The following RARB variants were observed in gnomAD, a reference collection of about 807,000 sequenced individuals.
RARB encodes retinoic acid receptor beta.
RARB carries 17 observed loss-of-function variants against 51.9 expected under a neutral mutation model. The observed-to-expected ratio is 0.33, with a 90% CI of 0.22 to 0.49. The LOEUF (loss-of-function observed/expected upper bound fraction) is 0.49. Among genes scored for constraint, RARB ranks in the 20% least tolerant of loss-of-function variants. The pLI is 0.99. For missense variants in RARB, 369 were observed against 550.8 expected (o/e 0.67, Z 3.30); for synonymous variants, 215 against 195.4 (o/e 1.10, Z -0.84).
chr3:25,164,696 T>C (rs1700532111), intron 4 of RARB, among the ~76,000 whole-genome samples: 2 of 152,246 alleles, frequency 1.3e-5, no homozygotes, highest in Non-Finnish European at 2.9e-5. Flanking sequence ...ATGGTTTCAA[T>C]TATGTGAATT....
chr3:24,898,937 T>G (rs1441774224), intron 2 of RARB, among the ~76,000 whole-genome samples: 1 of 152,210 alleles, frequency 6.6e-6, no homozygotes, highest in Non-Finnish European at 1.5e-5. Flanking sequence ...AACTTCTATG[T>G]ACAACTCATT....
At chr3:25,286,283 T>A (rs1021653925) in intron 5 of RARB, among the ~76,000 whole-genome samples, 30 of 151,942 alleles carry the variant, frequency 2.0e-4, no homozygotes, top group Admixed American at 3.3e-4. Flanking sequence ...AGAGACGGGG[T>A]TTCACCGTGT....
chr3:25,352,653 C>A (rs933887850), intron 5 of RARB, among the ~76,000 whole-genome samples: 1 of 152,144 alleles, frequency 6.6e-6, no homozygotes, highest in African/African-American at 2.4e-5. Context: ...TCATTTTTCT[C>A]AAAATGGACC....
chr3:25,075,260 G>C (rs1161162226), intron 3 of RARB, among the ~76,000 whole-genome samples: 1 of 152,160 alleles, frequency 6.6e-6, no homozygotes, highest in African/African-American at 2.4e-5. Flanking sequence ...TTTCCATGCA[G>C]ATCCAGCTCT....
intron 2 of RARB, among the ~76,000 whole-genome samples, chr3:24,927,496 G>C (rs1023715756): frequency 3.3e-5 from 5 of 152,076 alleles, no homozygotes; most frequent in Non-Finnish European, 2.9e-5. Context: ...GAGATTGAAA[G>C]CTCTATGTGA....
At chr3:25,405,781 T>G (rs541936373) in intron 5 of RARB, among the ~76,000 whole-genome samples, 1 of 152,366 alleles carries the variant, frequency 6.6e-6, no homozygotes, top group African/African-American at 2.4e-5. Context: ...AAAGTTTTAT[T>G]GGACAATGCT....
intron 2 of RARB, among the ~76,000 whole-genome samples, chr3:24,917,474 A>G (rs1559395401): frequency 6.6e-6 from 1 of 152,244 alleles, no homozygotes; most frequent in Non-Finnish European, 1.5e-5. Context: ...TTAGGTATGG[A>G]CAAAAGATTT....
intron 2 of RARB, among the ~76,000 whole-genome samples, chr3:25,001,747 G>C (rs1697165136): frequency 6.6e-6 from 1 of 152,118 alleles, no homozygotes; most frequent in African/African-American, 2.4e-5. Flanking sequence ...ATTTGCACAT[G>C]ATTTTTTACT....
At chr3:25,342,915 T>C (rs1054296042) in intron 5 of RARB, among the ~76,000 whole-genome samples, 1 of 152,018 alleles carries the variant, frequency 6.6e-6, no homozygotes, top group Non-Finnish European at 1.5e-5. Context: ...TGCTGCTTTG[T>C]GGTGAGTATC....
intron 2 of RARB, among the ~76,000 whole-genome samples, chr3:25,049,350 T>C (rs1290903595): frequency 6.6e-6 from 1 of 152,238 alleles, no homozygotes; most frequent in Non-Finnish European, 1.5e-5. Context: ...TGACTCAGAA[T>C]TGTCAAAAGT....
intron 1 of RARB, among the ~76,000 whole-genome samples, chr3:25,453,411 C>T (rs1310118052): frequency 1.3e-5 from 2 of 152,000 alleles, no homozygotes; most frequent in African/African-American, 4.8e-5. Context: ...TCACGCCTAG[C>T]TAATTTTGTA....
At chr3:25,235,863 A>G (rs561585570) in intron 5 of RARB, among the ~76,000 whole-genome samples, 1 of 152,192 alleles carries the variant, frequency 6.6e-6, no homozygotes, top group Non-Finnish European at 1.5e-5. Flanking sequence ...CTGTGAATAA[A>G]CAGTGCCACA....
intron 3 of RARB, among the ~76,000 whole-genome samples, chr3:25,526,303 G>A (rs1698644641): frequency 1.3e-5 from 2 of 152,166 alleles, no homozygotes; most frequent in South Asian, 4.2e-4. Context: ...GCCAAAGGGT[G>A]GTGTTCTTGT....
chr3:24,929,066 A>G (rs528123734), intron 2 of RARB, among the ~76,000 whole-genome samples: 65 of 152,088 alleles, frequency 4.3e-4, no homozygotes, highest in Non-Finnish European at 7.4e-4. Context: ...AAAAGATATC[A>G]TGTAAAAGTA....
intron 4 of RARB, among the ~76,000 whole-genome samples, chr3:25,135,766 C>T (rs1700023263): frequency 6.6e-6 from 1 of 151,720 alleles, no homozygotes; most frequent in South Asian, 2.1e-4. Flanking sequence ...TGAAGTAAAA[C>T]AGAAAAAGTA....
intron 1 of RARB, among the ~76,000 whole-genome samples, chr3:25,459,798 C>T (rs1184712737): frequency 1.3e-5 from 2 of 152,164 alleles, no homozygotes; most frequent in Non-Finnish European, 2.9e-5. Context: ...ACTTTATATT[C>T]TGGGAAATAC....
At chr3:24,956,281 T>A (rs1696012048) in intron 2 of RARB, among the ~76,000 whole-genome samples, 1 of 152,218 alleles carries the variant, frequency 6.6e-6, no homozygotes, top group Non-Finnish European at 1.5e-5. Context: ...TTTCCAGGTC[T>A]CAGTTTTCTC....
intron 5 of RARB, among the ~76,000 whole-genome samples, chr3:25,377,381 A>T (rs1706497473): frequency 6.6e-6 from 1 of 152,214 alleles, no homozygotes; most frequent in Non-Finnish European, 1.5e-5. Context: ...AGATAGACAC[A>T]TGTGCAGGTC....
At chr3:25,141,480 CT>C (rs1700106197) in intron 4 of RARB, among the ~76,000 whole-genome samples, 1 of 152,158 alleles carries the variant, frequency 6.6e-6, no homozygotes, top group Non-Finnish European at 1.5e-5. Flanking sequence ...TTCAGAGGGT[CT>C]TAGGAGAGGC....
Sources: gnomAD v4.1 joint callset for allele counts (sites outside exome capture counted in the v4.1 genomes callset) on GRCh38, gnomAD v4.1.1 for gene constraint, MANE v1.5 for transcripts, NCBI Gene and HGNC (gene_info 2026-07-23, HGNC 2026-07-21) for gene names.